The following DMD variants were observed in gnomAD, a reference collection of about 807,000 sequenced individuals.
DMD encodes the protein mutant dystrophin.
DMD carries 63 observed loss-of-function variants against 330.1 expected under a neutral mutation model. The ratio of observed to expected loss-of-function variants is 0.19; its 90% confidence interval spans 0.16 to 0.24. The LOEUF is 0.24. Among genes scored for constraint, DMD ranks in the 10% least tolerant of loss-of-function variants. The pLI, the probability that DMD is intolerant of heterozygous loss-of-function variation, is 1.00. For synonymous variants in DMD, 1,223 were observed against 959.8 expected (o/e 1.27, Z -5.07); for missense variants, 3,344 against 2,684.1 (o/e 1.25, Z -5.43).
chrX:32,504,486 G>A (rs1340880371), intron 18 of DMD, among the ~76,000 whole-genome samples: 2 of 109,782 alleles, frequency 1.8e-5, no homozygotes, highest in Admixed American at 2.0e-4. Context: ...AATTATCTGG[G>A]CATGGTGGCA....
intron 44 of DMD, among the ~76,000 whole-genome samples, chrX:32,074,058 A>G (rs2147821989): frequency 8.9e-6 from 1 of 111,880 alleles, no homozygotes; most frequent in South Asian, 3.7e-4. Context: ...GGAGATGAAA[A>G]ATTCTCAAAC....
chrX:31,230,390 T>A (rs754287257), intron 63 of DMD, among the ~76,000 whole-genome samples: 1 of 111,889 alleles, frequency 8.9e-6, no homozygotes, highest in African/African-American at 3.3e-5. Context: ...GGCTCACACC[T>A]GTAATCCCAG....
At chrX:32,899,809 A>C (rs1419935547) in intron 2 of DMD, among the ~76,000 whole-genome samples, 2 of 111,885 alleles carry the variant, frequency 1.8e-5, no homozygotes, top group African/African-American at 6.5e-5. Context: ...CATGTTTTTT[A>C]AACTCTGTGT....
chrX:32,282,848 G>A (rs187023722), intron 43 of DMD, among the ~76,000 whole-genome samples: 1 of 111,840 alleles, frequency 8.9e-6, no homozygotes, highest in Admixed American at 9.5e-5. Flanking sequence ...AACCACTAAG[G>A]CATTTTCTAG....
At chrX:31,404,136 G>A (rs1193220737) in intron 60 of DMD, among the ~76,000 whole-genome samples, 2 of 110,475 alleles carry the variant, frequency 1.8e-5, no homozygotes, top group Non-Finnish European at 1.9e-5. Flanking sequence ...GGGAAGAAAC[G>A]CTCAGGTGGT....
Position 31,478,286 on chromosome X carries a change from G to A in DMD, c.8757C>T (p.Asn2919=), listed in dbSNP as rs753234741. 122 of 1,209,282 alleles carry A rather than the reference G, an allele frequency of 1.0e-4. No individual in the cohort carries two copies. In the South Asian group the frequency reaches 2.0e-3, roughly 19 times the overall value. The change falls in exon 59 of 79, where the codon AAC becomes AAT. Residue 2919 remains asparagine (N), a synonymous_variant. Coordinates refer to ENST00000357033, the MANE Select transcript of DMD (RefSeq NM_004006.3). Reference sequence around the variant, plus strand: ...TTCTCTGCCAGTCAGCGGAGTGCAGGTTCAATTTTTCCCACTCAGTATTGA... The same window carrying A: ...TTCTCTGCCAGTCAGCGGAGTGCAGATTCAATTTTTCCCACTCAGTATTGA... The part of the protein sequence containing the change: ...EEVNTEWEKL[N]LHSADWQRKI...
rs183644082 is a variant in DMD at position 33,306,759 on chromosome X, G to A, written c.7+32500C>T. Among the ~76,000 whole-genome samples the A allele has an allele frequency of 5.9e-3, 652 of 110,862 alleles. 9 individuals carry two copies. The highest frequency in any genetic ancestry group is 0.02 in the African/African-American group (618 of 30,478). On this transcript the variant is annotated intron_variant, in intron 1 of 17. Transcript: ENST00000288447. ...AAGTCTCAATTAGTACAAAGCCATG[G>A]GGACCCAGACTCTGTCTCTGTAATA...
intron 44 of DMD, among the ~76,000 whole-genome samples, chrX:32,070,508 T>C (rs1395259958): frequency 9.0e-6 from 1 of 111,280 alleles, no homozygotes; most frequent in Non-Finnish European, 1.9e-5. Flanking sequence ...TTGTGAATTA[T>C]GCTGCTATAA....
chrX:32,664,068 A>G (rs757318563), intron 9 of DMD, among the ~76,000 whole-genome samples: 60 of 111,415 alleles, frequency 5.4e-4, no homozygotes, highest in African/African-American at 1.8e-3. Context: ...CGTTTTAACA[A>G]GACCATCTGG....
chrX:32,454,713 A>T lies in DMD; in HGVS notation c.3552T>A (p.Asp1184Glu), dbSNP rs763981640. 8.3e-7 allele frequency: 1 copy of T among 1,200,528 alleles called. No individual in the cohort carries two copies. The highest frequency in any genetic ancestry group is 1.8e-5 in the South Asian group (1 of 55,939). Reference sequence around the variant, plus strand: ...ATTCATCTGGAGTTTTATATTCAAAATCTCTCTCAAGATACTCTTCTTCAG... The same window carrying T: ...ATTCATCTGGAGTTTTATATTCAAATTCTCTCTCAAGATACTCTTCTTCAG... ...TQAEEEYLERDFEYKTPDELQ... is the reference protein window; with the variant it reads ...TQAEEEYLEREFEYKTPDELQ... Residue 1184 changes from aspartate (D) to glutamate (E), a missense_variant, in exon 26 of 79, where the codon GAT becomes GAA. Physicochemically the swap from Asp to Glu is conservative, Grantham distance 45. Transcript: ENST00000357033.
chrX:32,826,959 T>G (rs1387100550), intron 4 of DMD, among the ~76,000 whole-genome samples: 2 of 110,232 alleles, frequency 1.8e-5, no homozygotes, highest in African/African-American at 6.6e-5. Flanking sequence ...TATACAATTT[T>G]TTTTGCTAAT....
intron 44 of DMD, among the ~76,000 whole-genome samples, chrX:32,146,506 C>G (rs182274542): frequency 9.0e-6 from 1 of 111,382 alleles, no homozygotes; most frequent in African/African-American, 3.3e-5. Flanking sequence ...TATTTAACTT[C>G]CCTTGCTTCA....
chrX:31,740,000 C>T (rs559479775), intron 51 of DMD, among the ~76,000 whole-genome samples: 3 of 109,695 alleles, frequency 2.7e-5, no homozygotes, highest in Non-Finnish European at 5.7e-5. Flanking sequence ...TTATACCACA[C>T]GGAACTTAAA....
At chrX:32,972,265 C>A (rs1294312363) in intron 2 of DMD, among the ~76,000 whole-genome samples, 1 of 110,725 alleles carries the variant, frequency 9.0e-6, no homozygotes, top group Non-Finnish European at 1.9e-5. Flanking sequence ...GCAGCCTTGA[C>A]CTCCCGGGCT....
chrX:31,925,019 A>G (rs189407884), intron 47 of DMD, among the ~76,000 whole-genome samples: 1 of 112,343 alleles, frequency 8.9e-6, no homozygotes, highest in African/African-American at 3.2e-5. Context: ...TAAAAATAGT[A>G]GGATTTTAAC....
intron 1 of DMD, among the ~76,000 whole-genome samples, chrX:33,332,099 T>G (rs1170078007): frequency 8.9e-6 from 1 of 111,958 alleles, no homozygotes; most frequent in African/African-American, 3.2e-5. Flanking sequence ...TTTTTTCATT[T>G]AATTTAAAGA....
intron 15 of DMD, among the ~76,000 whole-genome samples, chrX:32,571,639 A>G (rs192090917): frequency 1.1e-4 from 12 of 112,284 alleles, no homozygotes; most frequent in Admixed American, 9.5e-4. Flanking sequence ...AAACCAACTG[A>G]TTAATGGAAA....
chrX:31,254,441 C>T (rs1320094805), intron 63 of DMD, among the ~76,000 whole-genome samples: 2 of 111,000 alleles, frequency 1.8e-5, no homozygotes, highest in African/African-American at 3.3e-5. Context: ...ACTGCAGTCT[C>T]GTCCTCCCGG....
chrX:32,889,439 G>A lies in DMD; in HGVS notation c.94-39619C>T, dbSNP rs145947812. 2.0e-3 allele frequency among the ~76,000 whole-genome samples: 224 copies of A among 110,373 alleles called. 4 individuals carry two copies. Among genetic ancestry groups the A allele is most frequent in the African/African-American group, 7.0e-3 (211 of 30,278 alleles). ...ACATGAAATCAGGTAAGCCACACCC[G>A]CCTTCAAATCCTGGCACTGTATCAG... is the stretch of plus-strand genomic sequence containing the variant. On this transcript the variant is annotated intron_variant, in intron 2 of 78. Coordinates refer to ENST00000357033, the MANE Select transcript of DMD (RefSeq NM_004006.3).
Sources: gnomAD v4.1 joint callset for allele counts (sites outside exome capture counted in the v4.1 genomes callset) on GRCh38, gnomAD v4.1.1 for gene constraint, MANE v1.5 for transcripts, NCBI Gene and HGNC (gene_info 2026-07-23, HGNC 2026-07-21) for gene names.